ZNF24: variants seen among roughly 807,000 people sequenced by gnomAD.
ZNF24 encodes retinoic acid suppression protein A.
ZNF24 carries 11 observed loss-of-function variants against 40.9 expected under a neutral mutation model. The observed-to-expected ratio is 0.27, with a 90% CI of 0.17 to 0.45. The LOEUF is 0.45. Ranked by LOEUF, ZNF24 falls within the 20% of genes least tolerant of loss-of-function variation. The probability of loss-of-function intolerance (pLI) is 1.00; values close to 1 mark genes in which losing one functional copy is unlikely to be tolerated. For missense variants in ZNF24, 293 were observed against 437.7 expected (o/e 0.67, Z 2.95); for synonymous variants, 139 against 154.7 (o/e 0.90, Z 0.75).
At chr18:35,342,059 G>C (rs1210241934) in intron 1 of ZNF24, among the ~76,000 whole-genome samples, 2 of 152,120 alleles carry the variant, frequency 1.3e-5, no homozygotes, top group Non-Finnish European at 2.9e-5. Flanking sequence ...AGCTGGGCGT[G>C]GTGGATTGCG....
intron 1 of ZNF24, among the ~76,000 whole-genome samples, chr18:35,342,958 C>A (rs2044983205): frequency 6.6e-6 from 1 of 152,194 alleles, no homozygotes; most frequent in Non-Finnish European, 1.5e-5. Flanking sequence ...GTGCCTGACC[C>A]TGGAACGCAT....
At chr18:35,342,195 T>TA (rs1266482695) in intron 1 of ZNF24, among the ~76,000 whole-genome samples, 3,575 of 135,834 alleles carry the variant, frequency 0.026, 131 homozygotes, top group African/African-American at 0.084. Context: ...ACTCTGTCTA[T>TA]AAAAAAAAAA....
intron 1 of ZNF24, among the ~76,000 whole-genome samples, chr18:35,341,889 A>G (rs2044972036): frequency 1.3e-5 from 2 of 152,118 alleles, no homozygotes; most frequent in African/African-American, 4.8e-5. Context: ...GTCTCTAAAA[A>G]ATGAATTTAA....
In ZNF24 at chr18:35,335,419, T is replaced by C. The variant is rs2044897428; in HGVS notation, c.*1813A>G. 2 of 152,284 alleles carry C rather than the reference T, an allele frequency of 1.3e-5. No homozygotes were observed. The highest frequency in any genetic ancestry group is 2.9e-5 in the Non-Finnish European group (2 of 67,998). The allele number at this position is 152,284 out of a possible 1,614,324, so 9.4% of individuals were successfully genotyped here. A position where few individuals can be genotyped will look rare whatever the true frequency, so the allele number is the denominator to read the frequency against. ...TTTATAATTGTTATCAGAAAACCTA[T>C]AAACAAGCTCCATTCTGCCTCACTT... On this transcript the variant is annotated 3_prime_UTR_variant, in exon 4 of 4. Transcript: ENST00000261332.
At position 35,332,423 on chromosome 18, in the gene ZNF24, G is replaced by A. The variant is rs1026532073; in HGVS notation, c.*4809C>T. ...ACTTTAAAGTCCGGAGGTAGGGCAGGCTTTAGGCACAGCTGGATCTAGGGC... is the reference window on the plus strand; with the variant it reads ...ACTTTAAAGTCCGGAGGTAGGGCAGACTTTAGGCACAGCTGGATCTAGGGC... On this transcript the variant is annotated 3_prime_UTR_variant, in exon 4 of 4. Coordinates refer to ENST00000261332, the MANE Select transcript of ZNF24 (RefSeq NM_006965.4). 2 of 152,306 alleles carry A rather than the reference G, an allele frequency of 1.3e-5. No homozygotes were observed. The highest frequency in any genetic ancestry group is 3.8e-4 in the East Asian group (2 of 5,196). 9.4% of individuals were successfully genotyped at this position (152,306 alleles called of 1,614,324 possible). A position where few individuals can be genotyped will look rare whatever the true frequency, so the allele number is the denominator to read the frequency against.
Position 35,336,466 on chromosome 18 carries a change from CTGTT to C in ZNF24, c.*762_*765del, listed in dbSNP as rs2044911102. The stretch of plus-strand genomic sequence containing the variant: ...AATTTCTACCTTCATTATTTTACAA[CTGTT>C]TATTATTTAGACTGTATGCTTTTTA... On this transcript the variant is annotated 3_prime_UTR_variant, in exon 4 of 4. Transcript: ENST00000261332. 2 of 152,122 alleles carry C rather than the reference CTGTT, an allele frequency of 1.3e-5. No homozygotes were observed. The highest frequency in any genetic ancestry group is 2.9e-5 in the Non-Finnish European group (2 of 68,036). The allele number at this position is 152,122 out of a possible 1,614,324, so 9.4% of individuals were successfully genotyped here. A position where few individuals can be genotyped will look rare whatever the true frequency, so the allele number is the denominator to read the frequency against.
At chr18:35,339,168 T>C (rs1408360563) in intron 3 of ZNF24, 2 of 839,536 alleles carry the variant, frequency 2.4e-6, no homozygotes, top group Middle Eastern at 2.1e-4. Flanking sequence ...TATCAAAGGA[T>C]ACACATAAGT....
At chr18:35,341,656 T>C (rs940675080) in intron 1 of ZNF24, among the ~76,000 whole-genome samples, 1 of 152,078 alleles carries the variant, frequency 6.6e-6, no homozygotes, top group Non-Finnish European at 1.5e-5. Context: ...ATGATACTGA[T>C]AATCCAGACC....
chr18:35,342,153 G>A (rs1395756138), intron 1 of ZNF24, among the ~76,000 whole-genome samples: 2 of 151,512 alleles, frequency 1.3e-5, no homozygotes, highest in Non-Finnish European at 2.9e-5. Context: ...CCAAGATCGC[G>A]CCACTGCACT....
rs556383267 is a variant in ZNF24, at chr18:35,332,578, T to C, written c.*4654A>G. 3 of 152,758 alleles carry C rather than the reference T, an allele frequency of 2.0e-5. No homozygotes were observed. Among genetic ancestry groups the C allele is most frequent in the African/African-American group, 7.2e-5 (3 of 41,570 alleles). The allele number at this position is 152,758 out of a possible 1,614,324, so 9.5% of individuals were successfully genotyped here. A position where few individuals can be genotyped will look rare whatever the true frequency, so the allele number is the denominator to read the frequency against. Reference sequence around the variant, plus strand: ...TGGTCCTTGGTTCCTGGGATCTCCATAAAGCCTTCTTTCCAGTAGTTCCAG... The same window carrying C: ...TGGTCCTTGGTTCCTGGGATCTCCACAAAGCCTTCTTTCCAGTAGTTCCAG... On this transcript the variant is annotated 3_prime_UTR_variant, in exon 4 of 4. Transcript: ENST00000261332.
intron 1 of ZNF24, among the ~76,000 whole-genome samples, chr18:35,341,308 A>T (rs1455967741): frequency 6.6e-6 from 1 of 152,242 alleles, no homozygotes; most frequent in Non-Finnish European, 1.5e-5. Context: ...TAGCTGTTGT[A>T]AGGTCAATAC....
intron 3 of ZNF24, chr18:35,338,265 C>G: frequency 1.0e-6 from 1 of 985,604 alleles, no homozygotes; most frequent in East Asian, 1.1e-4. Context: ...CAATGTTAGC[C>G]TAAAAGCAGA....
chr18:35,342,316 G>GTAA (rs2044977350), intron 1 of ZNF24, among the ~76,000 whole-genome samples: 1 of 152,072 alleles, frequency 6.6e-6, no homozygotes, highest in Admixed American at 6.5e-5. Flanking sequence ...AAAAAAAAAT[G>GTAA]TAAAAGTTTG....
rs2044922909 is a variant in ZNF24 at position 35,337,559 on chromosome 18, G to A, written c.780C>T (p.Phe260=). ...QHICDECGKH[F]SQGSALILHQ... is the part of the protein sequence containing the mutation. ...GAAGAATAAGGGCTGAGCCCTGACTGAAGTGTTTTCCACATTCATCACATA... is the reference window on the plus strand; with the variant it reads ...GAAGAATAAGGGCTGAGCCCTGACTAAAGTGTTTTCCACATTCATCACATA... The change falls in exon 4 of 4, where the codon TTC becomes TTT. Residue 260 remains phenylalanine (F), a synonymous_variant. Coordinates refer to ENST00000261332, the MANE Select transcript of ZNF24 (RefSeq NM_006965.4). The A allele has an allele frequency of 1.2e-6, 2 of 1,614,020 alleles. No individual in the cohort carries two copies. The highest frequency in any genetic ancestry group is 1.7e-5 in the Admixed American group (1 of 60,008).
At position 35,337,137 on chromosome 18, in the gene ZNF24, G is replaced by A. The variant is rs2044918041; in HGVS notation, c.*95C>T. ...AGTGGATTTTCTGACAGTCAATAGG[G>A]AAAAAACTATTCTGCATCATTTCAT... On this transcript the variant is annotated 3_prime_UTR_variant, in exon 4 of 4. Transcript: ENST00000261332. The A allele has an allele frequency of 9.5e-7, 1 of 1,051,996 alleles. No homozygotes were observed. Among genetic ancestry groups the A allele is most frequent in the Admixed American group, 3.5e-5 (1 of 28,886 alleles). 65.2% of individuals were successfully genotyped at this position (1,051,996 alleles called of 1,614,324 possible).
rs768634585 is a variant in ZNF24 at position 35,339,814 on chromosome 18, A to C, written c.568+15T>G. On this transcript the variant is annotated intron_variant, in intron 3 of 3. Transcript: ENST00000261332. ...CTCTTTCACCCTCTAGCCCACACAG[A>C]GTTCTGGTCCTCACCACAGTGCCTT... 6.3e-7 allele frequency: 1 copy of C among 1,580,670 alleles called. No individual in the cohort carries two copies. Among genetic ancestry groups the C allele is most frequent in the African/African-American group, 1.4e-5 (1 of 73,876 alleles).
At chr18:35,338,938 G>T in intron 3 of ZNF24, 1 of 1,484,728 alleles carries the variant, frequency 6.7e-7, no homozygotes, top group Non-Finnish European at 8.9e-7. Context: ...ATGTAAAACT[G>T]CAGATTTTCA....
rs755857218 is a variant in ZNF24, at chr18:35,339,779, G to A, written c.568+50C>T. On this transcript the variant is annotated intron_variant, in intron 3 of 3. Coordinates refer to ENST00000261332, the MANE Select transcript of ZNF24 (RefSeq NM_006965.4). The stretch of plus-strand genomic sequence containing the variant: ...AGAACAAGCAAAGTTCTGAACAAAA[G>A]GCCTATACTCTCTTTCACCCTCTAG... 3 of 1,512,360 alleles carry A rather than the reference G, an allele frequency of 2.0e-6. No homozygotes were observed. In the South Asian group the frequency reaches 4.0e-5, roughly 20 times the overall value. 93.7% of individuals were successfully genotyped at this position (1,512,360 alleles called of 1,614,324 possible). A position where few individuals can be genotyped will look rare whatever the true frequency, so the allele number is the denominator to read the frequency against.
chr18:35,335,515 T>C lies in ZNF24; in HGVS notation c.*1717A>G, dbSNP rs2143846606. 6.6e-6 allele frequency: 1 copy of C among 152,290 alleles called. No individual in the cohort carries two copies. The highest frequency in any genetic ancestry group is 3.4e-3 in the Middle Eastern group (1 of 294). The allele number at this position is 152,290 out of a possible 1,614,324, so 9.4% of individuals were successfully genotyped here. ...TCATGCAAAATCTCACCTTCCATTT[T>C]TAAACTTGATCCAAGCACCAGATAT... On this transcript the variant is annotated 3_prime_UTR_variant, in exon 4 of 4. Coordinates refer to ENST00000261332, the MANE Select transcript of ZNF24 (RefSeq NM_006965.4).
Sources: gnomAD v4.1 joint callset for allele counts (sites outside exome capture counted in the v4.1 genomes callset) on GRCh38, gnomAD v4.1.1 for gene constraint, MANE v1.5 for transcripts, NCBI Gene and HGNC (gene_info 2026-07-23, HGNC 2026-07-21) for gene names.